The following SYNE2 variants were observed in gnomAD, a reference collection of about 807,000 sequenced individuals.
SYNE2 encodes the protein spectrin repeat containing nuclear envelope protein 2.
Under a neutral mutation model 856.3 loss-of-function variants are expected in SYNE2, and 431 were observed. The ratio of observed to expected loss-of-function variants is 0.50; its 90% CI spans 0.47 to 0.55. SYNE2 has a LOEUF of 0.55. Ranked by LOEUF, SYNE2 falls within the 20% of genes least tolerant of loss-of-function variation. The probability of loss-of-function intolerance (pLI) is 0.00; values close to 1 mark genes in which losing one functional copy is unlikely to be tolerated. For synonymous variants in SYNE2, 2,923 were observed against 2,872.3 expected, an observed-to-expected ratio of 1.02 and a Z score of -0.56; for missense variants, 8,129 against 8,023.2, an observed-to-expected ratio of 1.01 and a Z score of -0.50.
chr14:64,058,504 T>G lies in SYNE2; in HGVS notation c.10067+2238T>G, dbSNP rs1048913933. Among the ~76,000 whole-genome samples the G allele has an allele frequency of 9.9e-5, 15 of 152,190 alleles. No individual in the cohort carries two copies. The East Asian group carries it at 2.7e-3, about 27-fold the overall frequency. On this transcript the variant is annotated intron_variant, in intron 49 of 115. Coordinates refer to ENST00000555002, the MANE Select transcript of SYNE2 (RefSeq NM_182914.3). Reference sequence around the variant, plus strand: ...GGCCAATAACTCTTTTTTTCTTTTTTGAGACAGAATCTCACTCTGTCACCC... The same window carrying G: ...GGCCAATAACTCTTTTTTTCTTTTTGGAGACAGAATCTCACTCTGTCACCC...
intron 101 of SYNE2, chr14:64,209,209 C>G: frequency 1.2e-6 from 1 of 861,756 alleles, no homozygotes; most frequent in Non-Finnish European, 1.8e-6. Context: ...TGGAGGCAGC[C>G]CTGTCTCCTG....
chr14:64,224,981 A>T lies in SYNE2; in HGVS notation c.20470-18A>T. ...AAACTGTCTTCAACTTACTAACTGG[A>T]GTTTCTTTACCCAGCAGTTCAGAGC... is the stretch of plus-strand genomic sequence containing the variant. On this transcript the variant is annotated intron_variant, in intron 114 of 115. Transcript: ENST00000555002. 1.9e-6 allele frequency: 3 copies of T among 1,611,942 alleles called. No homozygotes were observed. Among genetic ancestry groups the T allele is most frequent in the Non-Finnish European group, 2.5e-6 (3 of 1,179,180 alleles).
At chr14:64,150,006 TC>T (rs374068629) in intron 84 of SYNE2, among the ~76,000 whole-genome samples, 3 of 132,882 alleles carry the variant, frequency 2.3e-5, no homozygotes, top group Non-Finnish European at 4.7e-5. Context: ...TTTTTTCTTT[TC>T]TTTTTTTTTT....
chr14:63,805,532 C>T (rs908789268), intron 1 of SYNE2, among the ~76,000 whole-genome samples: 16 of 152,144 alleles, frequency 1.1e-4, no homozygotes, highest in African/African-American at 3.6e-4. Flanking sequence ...GGACTACAGG[C>T]GCCCGCCACC....
rs756226510 is a variant in SYNE2, at chr14:64,024,969, G to C, written c.5898G>C (p.Trp1966Cys). The C allele has an allele frequency of 6.2e-7, 1 of 1,614,000 alleles. No individual in the cohort carries two copies. Residue 1966 changes from tryptophan (W) to cysteine (C), a missense_variant, in exon 40 of 116, where the codon TGG becomes TGC. Trp to Cys is a radical substitution (Grantham distance 215). This residue lies in a region of SYNE2 where 2,422 missense variants were observed against 2,357.4 expected (regional missense o/e 1.03). Coordinates refer to ENST00000555002, the MANE Select transcript of SYNE2 (RefSeq NM_182914.3). ...RKWLTNQEEK[W>C]KGMEEPGEKT... ...GGTTGACTAATCAAGAAGAGAAATG[G>C]AAAGGAATGGAAGAACCAGGGGAGA...
At chr14:63,845,434 C>T (rs138247476) in intron 1 of SYNE2, among the ~76,000 whole-genome samples, 1 of 150,856 alleles carries the variant, frequency 6.6e-6, no homozygotes, top group African/African-American at 2.4e-5. Context: ...AAAAAAAAGT[C>T]AAATGTATTT....
intron 98 of SYNE2, among the ~76,000 whole-genome samples, chr14:64,189,283 G>A (rs1158711060): frequency 6.6e-6 from 1 of 151,524 alleles, no homozygotes; most frequent in Non-Finnish European, 1.5e-5. Flanking sequence ...GCAGTGAGCC[G>A]AGATGGTGCC....
intron 34 of SYNE2, 54 bp downstream of exon 34, chr14:64,017,810 A>G (rs1221277370): frequency 1.9e-6 from 3 of 1,564,538 alleles, no homozygotes; most frequent in Admixed American, 1.7e-5. Context: ...GACATTTTTT[A>G]TTTTTTATGA....
chr14:64,113,819 C>T (rs1373346507), intron 66 of SYNE2, among the ~76,000 whole-genome samples: 2 of 152,128 alleles, frequency 1.3e-5, no homozygotes, highest in African/African-American at 4.8e-5. Flanking sequence ...CTGTGAACTT[C>T]GGGAAGTGAA....
In SYNE2 at chr14:64,141,432, C is replaced by G. The variant is rs369957367; in HGVS notation, c.15068C>G (p.Thr5023Arg). The part of the protein sequence containing the change: ...NQLLHLKETD[T>R]ATLRASLAQF... ...CTTCTTCACCTGAAAGAAACTGATA[C>G]AGCTACACTGAGAGCTTCTTTAGCA... Residue 5023 changes from threonine (T) to arginine (R), a missense_variant, in exon 81 of 116, where the codon ACA becomes AGA. By Grantham distance (71) the Thr-to-Arg change is moderately conservative. This residue lies in a region of SYNE2 where 5,410 missense variants were observed against 5,284.8 expected (regional missense o/e 1.02). Transcript: ENST00000555002. 6 of 1,614,044 alleles carry G rather than the reference C, an allele frequency of 3.7e-6. No homozygotes were observed. In the African/African-American group the frequency reaches 4.0e-5, roughly 11 times the overall value.
intron 1 of SYNE2, among the ~76,000 whole-genome samples, chr14:63,842,438 C>T (rs1456695087): frequency 3.4e-5 from 5 of 148,502 alleles, no homozygotes; most frequent in African/African-American, 9.9e-5. Context: ...AGCACTCGGC[C>T]CTTTTGCCCA....
At chr14:63,838,677 T>C (rs1370890625) in intron 1 of SYNE2, among the ~76,000 whole-genome samples, 1 of 152,080 alleles carries the variant, frequency 6.6e-6, no homozygotes, top group Non-Finnish European at 1.5e-5. Flanking sequence ...CTTGGCTAAT[T>C]TTAAAATTTT....
rs912106350 is a variant in SYNE2, at chr14:64,074,650, C to A, written c.10866+514C>A. Among the ~76,000 whole-genome samples, 3 of 152,294 alleles carry A rather than the reference C, an allele frequency of 2.0e-5. No homozygotes were observed. The East Asian group carries it at 5.8e-4, about 29-fold the overall frequency. On this transcript the variant is annotated intron_variant, in intron 53 of 115. Coordinates refer to ENST00000555002, the MANE Select transcript of SYNE2 (RefSeq NM_182914.3). ...GTGGCTCACACCTATAATCCCAGCACTTTGAGAGGTCCAGGCAGGCAGATC... is the reference window on the plus strand; with the variant it reads ...GTGGCTCACACCTATAATCCCAGCAATTTGAGAGGTCCAGGCAGGCAGATC...
At chr14:64,217,444 T>C (rs1055203566) in intron 108 of SYNE2, among the ~76,000 whole-genome samples, 3 of 152,250 alleles carry the variant, frequency 2.0e-5, no homozygotes, top group African/African-American at 7.2e-5. Flanking sequence ...GGAGAGAATA[T>C]TGTTACATCA....
At chr14:63,925,829 C>T (rs2095657729) in intron 2 of SYNE2, among the ~76,000 whole-genome samples, 1 of 152,112 alleles carries the variant, frequency 6.6e-6, no homozygotes, top group Admixed American at 6.6e-5. Context: ...CATGTTGTTA[C>T]AAATGACAGA....
At position 64,170,275 on chromosome 14, in the gene SYNE2, A is replaced by G. The variant is rs1567534849; in HGVS notation, c.17048A>G (p.Asn5683Ser). The stretch of plus-strand genomic sequence containing the variant: ...TCAAAGCTGACGGATCGGTGGCAGA[A>G]TGCTGTCCAGGGTGTTCGGCAGAGG... Reference protein sequence around the residue: ...EFSKLTDRWQNAVQGVRQRKG... With the variant: ...EFSKLTDRWQSAVQGVRQRKG... The change falls in exon 94 of 116, where the codon AAT (asparagine) becomes AGT (serine). Residue 5683 changes from asparagine (N) to serine (S), a missense_variant. Coordinates refer to ENST00000555002, the MANE Select transcript of SYNE2 (RefSeq NM_182914.3). 6.2e-7 allele frequency: 1 copy of G among 1,614,148 alleles called. No homozygotes were observed. Among genetic ancestry groups the G allele is most frequent in the Non-Finnish European group, 8.5e-7 (1 of 1,180,044 alleles).
In SYNE2 at chr14:63,818,754, A is replaced by C. The variant is rs1953839125; in HGVS notation, c.-304-33747A>C. On this transcript the variant is annotated intron_variant, in intron 1 of 23. Transcript: ENST00000674003. ...TGCTCTGTCACCCAGGCTGGAGTGCAGTGGCTCGATCTCGGCTCACTGCAA... is the reference window on the plus strand; with the variant it reads ...TGCTCTGTCACCCAGGCTGGAGTGCCGTGGCTCGATCTCGGCTCACTGCAA... 2.1e-5 allele frequency among the ~76,000 whole-genome samples: 3 copies of C among 143,798 alleles called. No homozygotes were observed. In the Admixed American group the frequency reaches 2.2e-4, roughly 11 times the overall value. The allele number at this position is 143,798 out of a possible 152,430, so 94.3% of individuals were successfully genotyped here. A position where few individuals can be genotyped will look rare whatever the true frequency, so the allele number is the denominator to read the frequency against.
chr14:64,135,689 G>A (rs929231645), intron 78 of SYNE2, among the ~76,000 whole-genome samples: 2 of 152,196 alleles, frequency 1.3e-5, no homozygotes, highest in African/African-American at 2.4e-5. Flanking sequence ...CTGTTAAAAT[G>A]TGTGATTCTA....
At chr14:63,958,609 A>C (rs1174652755) in intron 8 of SYNE2, among the ~76,000 whole-genome samples, 1 of 152,120 alleles carries the variant, frequency 6.6e-6, no homozygotes, top group Non-Finnish European at 1.5e-5. Flanking sequence ...CAGGGTTCTC[A>C]TGGTAAAGTT....
Sources: allele counts gnomAD v4.1 joint callset (sites outside exome capture counted in the v4.1 genomes callset), GRCh38; gene constraint gnomAD v4.1.1; regional missense constraint gnomAD v4.1.1; transcripts MANE v1.5; gene names NCBI Gene and HGNC (gene_info 2026-07-23, HGNC 2026-07-21).